Variants in PCDHGB1 observed in about 807,000 individuals in gnomAD.
PCDHGB1 encodes protocadherin gamma subfamily B, 1.
PCDHGB1 carries 34 observed loss-of-function variants against 56.6 expected under a neutral mutation model. That is an observed-to-expected ratio of 0.60 (90% CI 0.46 to 0.80). The LOEUF is 0.80. Ranked by LOEUF, PCDHGB1 falls within the 30% of genes least tolerant of loss-of-function variation. The pLI is 0.00. For missense variants in PCDHGB1, 1,278 were observed against 1,204.6 expected, an observed-to-expected ratio of 1.06 and a Z score of -0.90; for synonymous variants, 561 against 505.9, an observed-to-expected ratio of 1.11 and a Z score of -1.46.
At chr5:141,434,489 C>T (rs921000136) in intron 1 of PCDHGB1, among the ~76,000 whole-genome samples, 4 of 152,158 alleles carry the variant, frequency 2.6e-5, no homozygotes, top group Non-Finnish European at 4.4e-5. Flanking sequence ...ACACCTGGCC[C>T]GCCCAGGGCA....
chr5:141,395,414 T>A (rs1254527655), intron 1 of PCDHGB1: 7 of 780,958 alleles, frequency 9.0e-6, no homozygotes, highest in Non-Finnish European at 1.4e-5. Flanking sequence ...TAGGTTATTG[T>A]TTCATTTGCT....
intron 1 of PCDHGB1, chr5:141,403,036 C>T: frequency 1.9e-6 from 3 of 1,614,080 alleles, no homozygotes; most frequent in Non-Finnish European, 2.5e-6. Context: ...AGGCCAGGGC[C>T]AGTCAGATTC....
At chr5:141,425,159 G>T (rs557552439) in intron 1 of PCDHGB1, among the ~76,000 whole-genome samples, 1 of 152,244 alleles carries the variant, frequency 6.6e-6, no homozygotes, top group Non-Finnish European at 1.5e-5. Context: ...AGCATCTAGG[G>T]ATAGGATTTA....
chr5:141,432,707 G>T lies in PCDHGB1; in HGVS notation c.2410-62100G>T. The T allele has an allele frequency of 6.2e-7, 1 of 1,613,988 alleles. No homozygotes were observed. The highest frequency in any genetic ancestry group is 1.1e-5 in the South Asian group (1 of 91,080). ...CCTCGTAGTGGCCGTCCAGGACCAC[G>T]GCCAGCCCCCTCTCTCCGCCACTGT... On this transcript the variant is annotated intron_variant, in intron 1 of 3. Transcript: ENST00000523390. The surrounding 1 kb of genome is among the most constrained non-coding windows in gnomAD (Gnocchi z 6.0).
intron 2 of PCDHGB1, among the ~76,000 whole-genome samples, chr5:141,505,069 G>A (rs2099843308): frequency 2.0e-5 from 3 of 152,340 alleles, no homozygotes; most frequent in East Asian, 1.9e-4. Flanking sequence ...GACTGAGGCA[G>A]GAGAATCGCT....
intron 1 of PCDHGB1, chr5:141,441,667 A>C: frequency 3.7e-6 from 1 of 267,984 alleles, no homozygotes; most frequent in Non-Finnish European, 7.4e-6. Flanking sequence ...TTGAGCGCAC[A>C]GTGCGCCTTC....
rs922804811 is a variant in PCDHGB1 at position 141,432,794 on chromosome 5, G to A, written c.2410-62013G>A. On this transcript the variant is annotated intron_variant, in intron 1 of 3. Coordinates refer to ENST00000523390, the MANE Select transcript of PCDHGB1 (RefSeq NM_018922.3). This position sits in a 1 kb window ranked among gnomAD's most constrained non-coding sequence, Gnocchi z 6.0. ...AGTCCTGGCGGACCTCGGCAGCCTC[G>A]AGTCTCCAGCTAACTCTGAAACCTC... The A allele has an allele frequency of 3.7e-6, 6 of 1,614,138 alleles. No homozygotes were observed. Among genetic ancestry groups the A allele is most frequent in the Non-Finnish European group, 5.1e-6 (6 of 1,180,000 alleles).
chr5:141,375,257 T>C, intron 1 of PCDHGB1: 1 of 1,613,890 alleles, frequency 6.2e-7, no homozygotes, highest in Middle Eastern at 1.6e-4. Flanking sequence ...AAGTCTCCCA[T>C]TTGAATTGGA....
chr5:141,440,918 A>C (rs2154559108), intron 1 of PCDHGB1: 1 of 152,384 alleles, frequency 6.6e-6, no homozygotes, highest in Admixed American at 6.5e-5. Context: ...TCCTGTGCTG[A>C]GAGTGAGGGC....
chr5:141,390,105 T>C (rs2092048923), intron 1 of PCDHGB1: 4 of 1,614,052 alleles, frequency 2.5e-6, no homozygotes, highest in African/African-American at 1.3e-5. Flanking sequence ...TCCCCCCAAC[T>C]ACAGCGAGGG....
At position 141,395,103 on chromosome 5, in the gene PCDHGB1, C is replaced by T. The variant is rs1462569715; in HGVS notation, c.2409+42434C>T. 9 of 1,614,156 alleles carry T rather than the reference C, an allele frequency of 5.6e-6. No homozygotes were observed. The highest frequency in any genetic ancestry group is 1.1e-5 in the South Asian group (1 of 91,074). On this transcript the variant is annotated intron_variant, in intron 1 of 3. Transcript: ENST00000523390. ...GGAAGTCTCCCTCACCGCCGACTCG[C>T]GGAAGAGTCACCTGATCTTTCCCCA... is the stretch of plus-strand genomic sequence containing the variant.
At chr5:141,468,841 G>C (rs1189145481) in intron 1 of PCDHGB1, among the ~76,000 whole-genome samples, 3 of 152,014 alleles carry the variant, frequency 2.0e-5, no homozygotes, top group Non-Finnish European at 4.4e-5. Flanking sequence ...ACTCCAGCCT[G>C]GGCAACAGAG....
Position 141,486,998 on chromosome 5 carries a change from C to T in PCDHGB1, c.2410-7809C>T. 1.2e-6 allele frequency: 2 copies of T among 1,614,206 alleles called. No individual in the cohort carries two copies. Among genetic ancestry groups the T allele is most frequent in the Non-Finnish European group, 1.7e-6 (2 of 1,180,034 alleles). On this transcript the variant is annotated intron_variant, in intron 1 of 3. Transcript: ENST00000523390. The surrounding 1 kb of genome is among the most constrained non-coding windows in gnomAD (Gnocchi z 5.0). The stretch of plus-strand genomic sequence containing the variant: ...AGGTTACAATGCTTGGGTTTCCTAT[C>T]AGCTCCTGGAGGCCCCAGATCCCAG...
At chr5:141,382,900 A>T (rs564801333) in intron 1 of PCDHGB1, 4 of 1,542,372 alleles carry the variant, frequency 2.6e-6, no homozygotes, top group Admixed American at 4.2e-5. Context: ...CAGGACGACT[A>T]TGGCGGCTCA....
intron 1 of PCDHGB1, chr5:141,382,974 A>G: frequency 6.2e-7 from 1 of 1,610,398 alleles, no homozygotes; most frequent in Non-Finnish European, 8.5e-7. Flanking sequence ...CCCCCTGGGA[A>G]GCCTGGGCAG....
intron 1 of PCDHGB1, chr5:141,356,500 A>G: frequency 6.2e-7 from 1 of 1,614,012 alleles, no homozygotes; most frequent in Admixed American, 1.7e-5. Flanking sequence ...TCCACTGTCT[A>G]CAGAAACTCA....
rs766638463 is a variant in PCDHGB1 at position 141,476,525 on chromosome 5, A to G, written c.2410-18282A>G. ...CAACGACAACAATCCTGCTTTCCCT[A>G]CCCAGGAAATGAAATTGGAGATTAG... On this transcript the variant is annotated intron_variant, in intron 1 of 3. Transcript: ENST00000523390. This position sits in a 1 kb window ranked among gnomAD's most constrained non-coding sequence, Gnocchi z 7.6. 6 of 1,613,950 alleles carry G rather than the reference A, an allele frequency of 3.7e-6. No homozygotes were observed. The African/African-American group carries it at 6.7e-5, about 18-fold the overall frequency.
At chr5:141,456,148 C>T (rs1408257938) in intron 1 of PCDHGB1, among the ~76,000 whole-genome samples, 13 of 152,078 alleles carry the variant, frequency 8.5e-5, no homozygotes, top group African/African-American at 3.1e-4. Flanking sequence ...CCGCCCGCCT[C>T]GGCCTCCTAA....
intron 1 of PCDHGB1, among the ~76,000 whole-genome samples, chr5:141,447,275 G>A (rs2098532748): frequency 1.3e-5 from 2 of 152,154 alleles, no homozygotes; most frequent in South Asian, 2.1e-4. Context: ...AAGTAGCTGG[G>A]ACTACAGGCA....
Sources: allele counts gnomAD v4.1 joint callset (sites outside exome capture counted in the v4.1 genomes callset), GRCh38; gene constraint gnomAD v4.1.1; non-coding constraint Gnocchi (gnomAD v3.1); transcripts MANE v1.5; gene names NCBI Gene and HGNC (gene_info 2026-07-23, HGNC 2026-07-21).